CXCL16: variants seen among roughly 807,000 people sequenced by gnomAD.
The protein encoded by CXCL16 is C-X-C motif chemokine 16.
In CXCL16, 18 loss-of-function variants were observed where a neutral mutation model predicts 23.8. The observed-to-expected ratio is 0.76, with a 90% CI of 0.52 to 1.12. CXCL16 has a LOEUF of 1.12. CXCL16 is among the 50% of genes most tolerant of loss of function. The pLI, the probability that CXCL16 is intolerant of heterozygous loss-of-function variation, is 0.00. For missense variants in CXCL16, 297 were observed against 315.4 expected (o/e 0.94, Z 0.44); for synonymous variants, 123 against 132.5 (o/e 0.93, Z 0.49).
At position 4,739,582 on chromosome 17, in the gene CXCL16, C is replaced by G. The variant is rs1410285857; in HGVS notation, c.-243G>C. On this transcript the variant is annotated 5_prime_UTR_variant, in exon 1 of 6. Transcript: ENST00000293778. The surrounding 1 kb of genome is among the most constrained non-coding windows in gnomAD (Gnocchi z 5.3). ...CAGGGAAAGCCGAGGAGGTGGAGCT[C>G]CCGCGCCCTGCGCCCCCGCACTGGG... 1 of 670,050 alleles carries G rather than the reference C, an allele frequency of 1.5e-6. No individual in the cohort carries two copies. The highest frequency in any genetic ancestry group is 2.4e-6 in the Non-Finnish European group (1 of 422,274). The allele number at this position is 670,050 out of a possible 1,614,324, so 41.5% of individuals were successfully genotyped here.
intron 3 of CXCL16, among the ~76,000 whole-genome samples, chr17:4,735,997 G>C (rs1916147429): frequency 6.6e-6 from 1 of 152,050 alleles, no homozygotes; most frequent in Non-Finnish European, 1.5e-5. Flanking sequence ...CTGAACCCAG[G>C]AGGTGGAGGT....
Position 4,735,109 on chromosome 17 carries a change from G to T in CXCL16, c.701C>A (p.Ser234Ter). The part of the protein sequence containing the change: ...YVLCKRRRGQ[S>*]PQSSPDLPVH... ...CAGTTTACCTGGAGAGGACTGCGGT[G>T]ACTGCCCCCTCCTCCTCTTGCACAG... Residue 234 changes from serine (S) to a stop codon, truncating the protein, a stop_gained, in exon 4 of 6, where the codon TCA (serine) becomes TAA (stop). Coordinates refer to ENST00000293778, the MANE Select transcript of CXCL16 (RefSeq NM_001386809.1). LOFTEE classifies it high-confidence loss of function. 6.2e-7 allele frequency: 1 copy of T among 1,609,920 alleles called. No homozygotes were observed.
At chr17:4,736,936 A>G (rs1916169768) in intron 3 of CXCL16, among the ~76,000 whole-genome samples, 1 of 151,764 alleles carries the variant, frequency 6.6e-6, no homozygotes, top group South Asian at 2.1e-4. Flanking sequence ...TCCTGCCTCA[A>G]CCTCCTGAGT....
At position 4,739,537 on chromosome 17, in the gene CXCL16, G is replaced by A; in HGVS notation, c.-198C>T. Reference sequence around the variant, plus strand: ...ACCGTGCGCTCAGTACTCGGCCCGCGCCATGCCAGCCTCTGGACGCAGGGA... The same window carrying A: ...ACCGTGCGCTCAGTACTCGGCCCGCACCATGCCAGCCTCTGGACGCAGGGA... On this transcript the variant is annotated 5_prime_UTR_variant, in exon 1 of 6. Transcript: ENST00000293778. The surrounding 1 kb of genome is among the most constrained non-coding windows in gnomAD (Gnocchi z 5.3). The A allele has an allele frequency of 1.3e-6, 1 of 773,012 alleles. No homozygotes were observed. Among genetic ancestry groups the A allele is most frequent in the Non-Finnish European group, 2.0e-6 (1 of 506,040 alleles). The allele number at this position is 773,012 out of a possible 1,614,324, so 47.9% of individuals were successfully genotyped here. A position where few individuals can be genotyped will look rare whatever the true frequency, so the allele number is the denominator to read the frequency against.
rs140866155 is a variant in CXCL16, at chr17:4,739,335, C to T, written c.5G>A (p.Gly2Glu). The T allele has an allele frequency of 1.3e-3, 2,064 of 1,613,364 alleles. 1 individual carries two copies. The highest frequency in any genetic ancestry group is 1.7e-3 in the Non-Finnish European group (1,975 of 1,179,774). ...GCGGGACCCGGGCCGCAAGTCCCGTCCCATCTCGGGGCTCCGCGGACTCTG... is the reference window on the plus strand; with the variant it reads ...GCGGGACCCGGGCCGCAAGTCCCGTTCCATCTCGGGGCTCCGCGGACTCTG... M[G>E]RDLRPGSRVL... Residue 2 changes from glycine (G) to glutamate (E), a missense_variant, in exon 1 of 6, where the codon GGA (glycine) becomes GAA (glutamate). Gly to Glu is a moderately conservative substitution (Grantham distance 98). Coordinates refer to ENST00000293778, the MANE Select transcript of CXCL16 (RefSeq NM_001386809.1). The surrounding 1 kb of genome is among the most constrained non-coding windows in gnomAD (Gnocchi z 5.3).
Position 4,739,488 on chromosome 17 carries a change from AC to A in CXCL16, c.-150del. 7 of 1,207,352 alleles carry A rather than the reference AC, an allele frequency of 5.8e-6. No individual in the cohort carries two copies. The highest frequency in any genetic ancestry group is 1.3e-5 in the South Asian group (1 of 78,082). 74.8% of individuals were successfully genotyped at this position (1,207,352 alleles called of 1,614,324 possible). A position where few individuals can be genotyped will look rare whatever the true frequency, so the allele number is the denominator to read the frequency against. On this transcript the variant is annotated 5_prime_UTR_variant, in exon 1 of 6. Transcript: ENST00000293778. The surrounding 1 kb of genome is among the most constrained non-coding windows in gnomAD (Gnocchi z 5.3). ...CGGAGAGGAGGCGCGAGCCAGCTGC[AC>A]CCCCCGGCCCTGCTGTGCCCCGACC...
At chr17:4,736,536 G>A (rs1439100570) in intron 3 of CXCL16, among the ~76,000 whole-genome samples, 2 of 152,156 alleles carry the variant, frequency 1.3e-5, no homozygotes, top group Non-Finnish European at 2.9e-5. Context: ...GTAACCTCAA[G>A]TAGCTGTGTA....
Position 4,738,312 on chromosome 17 carries a change from G to A in CXCL16, c.301+96C>T. The A allele has an allele frequency of 1.1e-6, 1 of 920,662 alleles. No homozygotes were observed. The highest frequency in any genetic ancestry group is 1.8e-6 in the Non-Finnish European group (1 of 567,390). The allele number at this position is 920,662 out of a possible 1,614,324, so 57.0% of individuals were successfully genotyped here. A position where few individuals can be genotyped will look rare whatever the true frequency, so the allele number is the denominator to read the frequency against. Reference sequence around the variant, plus strand: ...GATCAGAAGAAGGTTCTAGGAATGTGCGGCCCCAGGGGAAAAGGCTCAGGT... The same window carrying A: ...GATCAGAAGAAGGTTCTAGGAATGTACGGCCCCAGGGGAAAAGGCTCAGGT... On this transcript the variant is annotated intron_variant, in intron 3 of 5. Transcript: ENST00000293778. The surrounding 1 kb of genome is among the most constrained non-coding windows in gnomAD (Gnocchi z 4.0).
rs1916094137 is a variant in CXCL16, at chr17:4,734,565, G to C, written c.*23+18C>G. 3.3e-6 allele frequency: 5 copies of C among 1,526,392 alleles called. No individual in the cohort carries two copies. The highest frequency in any genetic ancestry group is 3.6e-6 in the Non-Finnish European group (4 of 1,100,350). The allele number at this position is 1,526,392 out of a possible 1,614,324, so 94.6% of individuals were successfully genotyped here. Reference sequence around the variant, plus strand: ...GTCTCCTTTATTACACTTTTTGTAAGAATAAGCCACAGTTTACCCTCACAA... The same window carrying C: ...GTCTCCTTTATTACACTTTTTGTAACAATAAGCCACAGTTTACCCTCACAA... On this transcript the variant is annotated intron_variant, in intron 5 of 5. Coordinates refer to ENST00000293778, the MANE Select transcript of CXCL16 (RefSeq NM_001386809.1).
chr17:4,737,193 GA>G (rs1174710842), intron 3 of CXCL16, among the ~76,000 whole-genome samples: 4 of 151,538 alleles, frequency 2.6e-5, no homozygotes, highest in African/African-American at 4.8e-5. Flanking sequence ...GAACTCAAAA[GA>G]AAAAAAAGCA....
In CXCL16 at chr17:4,735,132, C is replaced by T. The variant is rs758471159; in HGVS notation, c.678G>A (p.Leu226=). Residue 226 remains leucine, a synonymous_variant, in exon 4 of 6, where the codon CTG becomes CTA. Coordinates refer to ENST00000293778, the MANE Select transcript of CXCL16 (RefSeq NM_001386809.1). ...GTGACTGCCCCCTCCTCCTCTTGCACAGCACATAGGAAAGGGCTGCGGTGA... is the reference window on the plus strand; with the variant it reads ...GTGACTGCCCCCTCCTCCTCTTGCATAGCACATAGGAAAGGGCTGCGGTGA... ...FILTAALSYV[L]CKRRRGQSPQ... 29 of 1,613,368 alleles carry T rather than the reference C, an allele frequency of 1.8e-5. No homozygotes were observed. The East Asian group carries it at 2.5e-4, about 14-fold the overall frequency.
rs1773229490 is a variant in CXCL16, at chr17:4,734,309, A to AG, written c.*193dup. Reference sequence around the variant, plus strand: ...TTTATAGTATAACCGTTTTTAAATGAGGGGCCTAAGAGAGGGCAGTGGCTG... The same window carrying AG: ...TTTATAGTATAACCGTTTTTAAATGAGGGGGCCTAAGAGAGGGCAGTGGCTG... On this transcript the variant is annotated 3_prime_UTR_variant, in exon 6 of 6. Coordinates refer to ENST00000293778, the MANE Select transcript of CXCL16 (RefSeq NM_001386809.1). The AG allele has an allele frequency of 4.0e-6, 1 of 251,044 alleles. No individual in the cohort carries two copies. Among genetic ancestry groups the AG allele is most frequent in the Non-Finnish European group, 7.8e-6 (1 of 127,474 alleles). 15.6% of individuals were successfully genotyped at this position (251,044 alleles called of 1,614,324 possible).
Position 4,739,691 on chromosome 17 carries a change from G to A in CXCL16, c.-352C>T. ...GGCGGGCGAGGAGGGGCGGGAGGAC[G>A]ACGGCCCGAGGAGCCGATTCGGTTC... is the stretch of plus-strand genomic sequence containing the variant. On this transcript the variant is annotated 5_prime_UTR_variant, in exon 1 of 6. Transcript: ENST00000293778. The surrounding 1 kb of genome is among the most constrained non-coding windows in gnomAD (Gnocchi z 5.3). The A allele has an allele frequency of 1.1e-5, 9 of 802,054 alleles. No individual in the cohort carries two copies. The highest frequency in any genetic ancestry group is 2.4e-5 in the South Asian group (1 of 42,324). 49.7% of individuals were successfully genotyped at this position (802,054 alleles called of 1,614,324 possible).
rs1916091496 is a variant in CXCL16, at chr17:4,734,488, CAAAA to C, written c.*24-13_*24-10del. On this transcript the variant is annotated splice_polypyrimidine_tract_variant and intron_variant, in intron 5 of 5. Coordinates refer to ENST00000293778, the MANE Select transcript of CXCL16 (RefSeq NM_001386809.1). ...CAACATAGAGTCCGTCTCTAAAAAA[CAAAA>C]AACAAAAACAAGTATGTATACAGTG... 1 of 826,212 alleles carries C rather than the reference CAAAA, an allele frequency of 1.2e-6. No homozygotes were observed. Among genetic ancestry groups the C allele is most frequent in the East Asian group, 2.7e-5 (1 of 37,098 alleles). The allele number at this position is 826,212 out of a possible 1,614,324, so 51.2% of individuals were successfully genotyped here.
In CXCL16 at chr17:4,738,452, T is replaced by C; in HGVS notation, c.257A>G (p.Lys86Arg). The change falls in exon 3 of 6, where the codon AAG becomes AGG. Residue 86 changes from lysine (K) to arginine (R), a missense_variant. Transcript: ENST00000293778. This position sits in a 1 kb window ranked among gnomAD's most constrained non-coding sequence, Gnocchi z 4.0. ...LLSWSVCGGNKDPWVQELMSC... is the reference protein window; with the variant it reads ...LLSWSVCGGNRDPWVQELMSC... ...CATCAATTCCTGAACCCATGGGTCC[T>C]TGTTGCCCCCACACACGCTCCAGGA... 1 of 1,614,084 alleles carries C rather than the reference T, an allele frequency of 6.2e-7. No individual in the cohort carries two copies. Among genetic ancestry groups the C allele is most frequent in the Non-Finnish European group, 8.5e-7 (1 of 1,179,936 alleles).
intron 3 of CXCL16, among the ~76,000 whole-genome samples, chr17:4,737,859 T>C (rs1916200301): frequency 6.6e-6 from 1 of 151,222 alleles, no homozygotes; most frequent in South Asian, 2.1e-4. Flanking sequence ...AGGCCAGGTG[T>C]GGTGGCTCAC....
At position 4,738,598 on chromosome 17, in the gene CXCL16, G is replaced by A; in HGVS notation, c.219-108C>T. On this transcript the variant is annotated intron_variant, in intron 2 of 5. Coordinates refer to ENST00000293778, the MANE Select transcript of CXCL16 (RefSeq NM_001386809.1). This position sits in a 1 kb window ranked among gnomAD's most constrained non-coding sequence, Gnocchi z 4.0. ...CACCAAGAAAGAGCCCTTTCTCCTG[G>A]GACTGGGAAACTCCCCAGTAGGTGA... 1 of 1,047,916 alleles carries A rather than the reference G, an allele frequency of 9.5e-7. No homozygotes were observed. Among genetic ancestry groups the A allele is most frequent in the Non-Finnish European group, 1.4e-6 (1 of 709,422 alleles). The allele number at this position is 1,047,916 out of a possible 1,614,324, so 64.9% of individuals were successfully genotyped here. A position where few individuals can be genotyped will look rare whatever the true frequency, so the allele number is the denominator to read the frequency against.
Position 4,739,319 on chromosome 17 carries a change from G to A in CXCL16, c.21C>T (p.Pro7=), listed in dbSNP as rs1187243671. The change falls in exon 1 of 6, where the codon CCC becomes CCT. Residue 7 remains proline (P), a synonymous_variant. Coordinates refer to ENST00000293778, the MANE Select transcript of CXCL16 (RefSeq NM_001386809.1). This position sits in a 1 kb window ranked among gnomAD's most constrained non-coding sequence, Gnocchi z 5.3. MGRDLR[P]GSRVLLLLLL... ...GCAGGAGCAGGAGCACGCGGGACCCGGGCCGCAAGTCCCGTCCCATCTCGG... is the reference window on the plus strand; with the variant it reads ...GCAGGAGCAGGAGCACGCGGGACCCAGGCCGCAAGTCCCGTCCCATCTCGG... 6.2e-7 allele frequency: 1 copy of A among 1,612,462 alleles called. No individual in the cohort carries two copies. Among genetic ancestry groups the A allele is most frequent in the Admixed American group, 1.7e-5 (1 of 59,886 alleles).
rs1410285857 is a variant in CXCL16, at chr17:4,739,582, C to A, written c.-243G>T. Reference sequence around the variant, plus strand: ...CAGGGAAAGCCGAGGAGGTGGAGCTCCCGCGCCCTGCGCCCCCGCACTGGG... The same window carrying A: ...CAGGGAAAGCCGAGGAGGTGGAGCTACCGCGCCCTGCGCCCCCGCACTGGG... On this transcript the variant is annotated 5_prime_UTR_variant, in exon 1 of 6. Coordinates refer to ENST00000293778, the MANE Select transcript of CXCL16 (RefSeq NM_001386809.1). The surrounding 1 kb of genome is among the most constrained non-coding windows in gnomAD (Gnocchi z 5.3). 2 of 670,168 alleles carry A rather than the reference C, an allele frequency of 3.0e-6. No homozygotes were observed. The highest frequency in any genetic ancestry group is 4.7e-6 in the Non-Finnish European group (2 of 422,266). 41.5% of individuals were successfully genotyped at this position (670,168 alleles called of 1,614,324 possible). A position where few individuals can be genotyped will look rare whatever the true frequency, so the allele number is the denominator to read the frequency against.
Sources: gnomAD v4.1 joint callset for allele counts (sites outside exome capture counted in the v4.1 genomes callset) on GRCh38, gnomAD v4.1.1 for gene constraint, Gnocchi (gnomAD v3.1) non-coding constraint, MANE v1.5 for transcripts, NCBI Gene and HGNC (gene_info 2026-07-23, HGNC 2026-07-21) for gene names.